CACNA1A: variants seen among roughly 807,000 people sequenced by gnomAD.
CACNA1A encodes the protein voltage-dependent P/Q-type calcium channel subunit alpha-1A.
A neutral mutation model predicts 262.4 loss-of-function variants in CACNA1A; 57 were observed. That is an observed-to-expected ratio of 0.22 (90% CI 0.18 to 0.27). The LOEUF (loss-of-function observed/expected upper bound fraction) is 0.27, where lower values mean the gene tolerates loss of function less well. Among genes scored for constraint, CACNA1A ranks in the 10% least tolerant of loss-of-function variants. CACNA1A has a pLI of 1.00. For synonymous variants in CACNA1A, 1,431 were observed against 1,419.3 expected, an observed-to-expected ratio of 1.01 and a Z score of -0.18; for missense variants, 2,526 against 3,562.8, an observed-to-expected ratio of 0.71 and a Z score of 7.41.
chr19:13,454,956 T>C lies in CACNA1A; in HGVS notation c.399+151A>G, dbSNP rs188587255. 4.2e-5 allele frequency: 22 copies of C among 527,840 alleles called. No individual in the cohort carries two copies. In the East Asian group the frequency reaches 6.6e-4, roughly 16 times the overall value. 32.7% of individuals were successfully genotyped at this position (527,840 alleles called of 1,614,324 possible). A position where few individuals can be genotyped will look rare whatever the true frequency, so the allele number is the denominator to read the frequency against. ...CCTGGGTGACAGAGCGAGACTCTGG[T>C]TCAAGAAAAAATGAAAAGGAAATTT... On this transcript the variant is annotated intron_variant, in intron 2 of 46. Transcript: ENST00000360228.
intron 6 of CACNA1A, among the ~76,000 whole-genome samples, chr19:13,352,467 T>G (rs72997530): frequency 0.26 from 39,356 of 151,564 alleles, 5,911 homozygotes; most frequent in East Asian, 0.64. Flanking sequence ...AAAGAAGTAT[T>G]GAGAATATCA....
chr19:13,455,869 CAA>C (rs766436872), intron 1 of CACNA1A, among the ~76,000 whole-genome samples: 64 of 76,092 alleles, frequency 8.4e-4, no homozygotes, highest in East Asian at 1.4e-3. Flanking sequence ...GGCCCTGTCT[CAA>C]AAAAAAAAAA....
At chr19:13,441,964 A>C (rs1327790237) in intron 3 of CACNA1A, among the ~76,000 whole-genome samples, 4 of 152,172 alleles carry the variant, frequency 2.6e-5, no homozygotes, top group Admixed American at 1.3e-4. Flanking sequence ...AGTATGGAAC[A>C]AGGTCACCTG....
intron 3 of CACNA1A, among the ~76,000 whole-genome samples, chr19:13,432,837 T>C (rs1448282141): frequency 6.6e-6 from 1 of 152,092 alleles, no homozygotes; most frequent in Non-Finnish European, 1.5e-5. Context: ...TTGTACTCCA[T>C]GAATATATAT....
chr19:13,403,062 T>A (rs2059937715), intron 3 of CACNA1A, among the ~76,000 whole-genome samples: 1 of 151,440 alleles, frequency 6.6e-6, no homozygotes, highest in Admixed American at 6.6e-5. Flanking sequence ...CCCCAGAAAG[T>A]GGCAGGGCCA....
At chr19:13,415,110 G>A (rs1164533689) in intron 3 of CACNA1A, among the ~76,000 whole-genome samples, 2 of 152,042 alleles carry the variant, frequency 1.3e-5, no homozygotes, top group Non-Finnish European at 2.9e-5. Context: ...TAGGAGATGG[G>A]CTGTATTCCC....
chr19:13,401,143 T>C (rs931750212), intron 3 of CACNA1A, among the ~76,000 whole-genome samples: 3 of 152,154 alleles, frequency 2.0e-5, no homozygotes, highest in Non-Finnish European at 4.4e-5. Context: ...CTTTTACAAG[T>C]AGTCAATTCA....
At chr19:13,361,065 C>T (rs1477452199) in intron 5 of CACNA1A, among the ~76,000 whole-genome samples, 1 of 152,140 alleles carries the variant, frequency 6.6e-6, no homozygotes, top group African/African-American at 2.4e-5. Context: ...ACAAATTTGT[C>T]AAGCGCATTG....
At chr19:13,430,791 C>T (rs1477013952) in intron 3 of CACNA1A, among the ~76,000 whole-genome samples, 1 of 152,000 alleles carries the variant, frequency 6.6e-6, no homozygotes, top group South Asian at 2.1e-4. Flanking sequence ...AGATGCTCTT[C>T]AGGGGTGTAG....
chr19:13,394,291 A>G (rs2059772266), intron 3 of CACNA1A, among the ~76,000 whole-genome samples: 1 of 152,070 alleles, frequency 6.6e-6, no homozygotes, highest in African/African-American at 2.4e-5. Flanking sequence ...GCTCAATTCT[A>G]ACTTCTCTGC....
chr19:13,346,683 T>A lies in CACNA1A; in HGVS notation c.979-10774A>T, dbSNP rs1197426428. ...ATATATATATTTTTTTTTTTTTTTT[T>A]TTTTTTTTTTTTTTGAGACAGAGTC... is the stretch of plus-strand genomic sequence containing the variant. On this transcript the variant is annotated intron_variant, in intron 6 of 46. Transcript: ENST00000360228. Among the ~76,000 whole-genome samples the A allele has an allele frequency of 2.2e-3, 191 of 85,668 alleles. 9 individuals are homozygous for A. The highest frequency in any genetic ancestry group is 8.6e-3 in the African/African-American group (188 of 21,842). The allele number at this position is 85,668 out of a possible 152,430, so 56.2% of individuals were successfully genotyped here. A position where few individuals can be genotyped will look rare whatever the true frequency, so the allele number is the denominator to read the frequency against.
At chr19:13,337,317 T>C (rs2058594019) in intron 6 of CACNA1A, among the ~76,000 whole-genome samples, 1 of 152,232 alleles carries the variant, frequency 6.6e-6, no homozygotes, top group Admixed American at 6.5e-5. Context: ...GCCTCTCTCC[T>C]AGCTTCTGGC....
chr19:13,260,233 A>G (rs762174867), intron 26 of CACNA1A: 1 of 155,658 alleles, frequency 6.4e-6, no homozygotes, highest in East Asian at 1.9e-4. Flanking sequence ...ACTGGTAACA[A>G]TATCACTATA....
At chr19:13,396,885 T>C (rs1028373875) in intron 3 of CACNA1A, among the ~76,000 whole-genome samples, 6 of 151,816 alleles carry the variant, frequency 4.0e-5, no homozygotes, top group African/African-American at 1.5e-4. Flanking sequence ...GGGAAAGAGA[T>C]TGGAATATTG....
At chr19:13,411,039 C>T (rs1319753287) in intron 3 of CACNA1A, among the ~76,000 whole-genome samples, 2 of 152,166 alleles carry the variant, frequency 1.3e-5, no homozygotes, top group Non-Finnish European at 2.9e-5. Flanking sequence ...TTTGGATCTC[C>T]AGCTCTGACT....
intron 3 of CACNA1A, among the ~76,000 whole-genome samples, chr19:13,393,505 T>TTTCC (rs36015275): frequency 0.35 from 44,532 of 126,630 alleles, 8,467 homozygotes; most frequent in Middle Eastern, 0.53. Context: ...CCTTCCTTCC[T>TTTCC]TTCCTTCCTT....
intron 1 of CACNA1A, among the ~76,000 whole-genome samples, chr19:13,482,831 C>A (rs972606321): frequency 6.7e-6 from 1 of 150,006 alleles, no homozygotes; most frequent in Admixed American, 6.7e-5. Context: ...TTTCTCTCCC[C>A]CCTTCTTTCT....
rs1464238288 is a variant in CACNA1A at position 13,207,542 on chromosome 19, G to A, written c.7292C>T (p.Ala2431Val). 6.9e-7 allele frequency: 1 copy of A among 1,454,310 alleles called. No individual in the cohort carries two copies. Among genetic ancestry groups the A allele is most frequent in the Non-Finnish European group, 9.1e-7 (1 of 1,103,138 alleles). 90.1% of individuals were successfully genotyped at this position (1,454,310 alleles called of 1,614,324 possible). ...PGSGGGEEAM[A>V]GAYDAPPPVR... Reference sequence around the variant, plus strand: ...GGGGGGTGGCGCGTCGTAGGCCCCGGCCATGGCCTCCTCGCCGCCCCCGCT... The same window carrying A: ...GGGGGGTGGCGCGTCGTAGGCCCCGACCATGGCCTCCTCGCCGCCCCCGCT... The change falls in exon 47 of 47, where the codon GCC becomes GTC. Residue 2431 changes from alanine (A) to valine (V), a missense_variant. Ala to Val is a moderately conservative substitution (Grantham distance 64). Around this residue, in one of 17 missense-constraint regions of CACNA1A, gnomAD observed 929 missense variants for 868.1 expected, o/e 1.07. Coordinates refer to ENST00000360228, the MANE Select transcript of CACNA1A (RefSeq NM_001127222.2). The surrounding 1 kb of genome is among the most constrained non-coding windows in gnomAD (Gnocchi z 5.7).
At position 13,261,449 on chromosome 19, in the gene CACNA1A, C is replaced by A; in HGVS notation, c.4250+1G>T. 6.4e-7 allele frequency: 1 copy of A among 1,566,748 alleles called. No individual in the cohort carries two copies. Among genetic ancestry groups the A allele is most frequent in the African/African-American group, 1.4e-5 (1 of 74,020 alleles). ...GAATGTGCTGGAAAGTGGAGACCCA[C>A]CGACAATCTTTCTCAAACTCTTTGG... On this transcript the variant is annotated splice_donor_variant, in intron 26 of 46. Transcript: ENST00000360228. LOFTEE classifies it high-confidence loss of function.
Sources: allele counts gnomAD v4.1 joint callset (sites outside exome capture counted in the v4.1 genomes callset), GRCh38; gene constraint gnomAD v4.1.1; regional missense constraint gnomAD v4.1.1; non-coding constraint Gnocchi (gnomAD v3.1); transcripts MANE v1.5; gene names NCBI Gene and HGNC (gene_info 2026-07-23, HGNC 2026-07-21).